The following CDH13 variants were observed in gnomAD, a reference collection of about 807,000 sequenced individuals.
CDH13 encodes cadherin-13.
A neutral mutation model predicts 63.8 loss-of-function variants in CDH13; 24 were observed. The ratio of observed to expected loss-of-function variants is 0.38; its 90% CI spans 0.27 to 0.53. CDH13 has a LOEUF of 0.53. Among genes scored for constraint, CDH13 ranks in the 20% least tolerant of loss-of-function variants. CDH13 has a pLI of 0.85. For synonymous variants in CDH13, 503 were observed against 355.3 expected, an observed-to-expected ratio of 1.42 and a Z score of -4.67; for missense variants, 1,049 against 903.1, an observed-to-expected ratio of 1.16 and a Z score of -2.07.
chr16:82,873,728 A>G (rs762561568), intron 2 of CDH13, among the ~76,000 whole-genome samples: 18 of 152,210 alleles, frequency 1.2e-4, no homozygotes, highest in Admixed American at 3.3e-4. Context: ...CTTTAAAAGA[A>G]TAAGGCTGGG....
intron 2 of CDH13, among the ~76,000 whole-genome samples, chr16:82,865,628 T>C (rs2040105153): frequency 6.6e-6 from 1 of 152,180 alleles, no homozygotes. Flanking sequence ...GACCATTTTT[T>C]CCTCCTAGGC....
chr16:83,490,129 C>T (rs548990320), intron 7 of CDH13, among the ~76,000 whole-genome samples: 141 of 152,210 alleles, frequency 9.3e-4, no homozygotes, highest in Non-Finnish European at 1.9e-3. Flanking sequence ...AGTGGATACT[C>T]TGGAATCCCA....
intron 7 of CDH13, among the ~76,000 whole-genome samples, chr16:83,590,991 A>T (rs4053433): frequency 1.3e-5 from 2 of 148,656 alleles, no homozygotes; most frequent in Non-Finnish European, 3.0e-5. Context: ...GCACACCGCA[A>T]TCTCCACCTT....
intron 8 of CDH13, among the ~76,000 whole-genome samples, chr16:83,661,926 G>C (rs1913480087): frequency 6.6e-6 from 1 of 152,206 alleles, no homozygotes; most frequent in Admixed American, 6.5e-5. Context: ...CACCTGTAGA[G>C]CCAGGAGGTT....
intron 1 of CDH13, among the ~76,000 whole-genome samples, chr16:82,645,637 C>T (rs1177949014): frequency 6.6e-6 from 1 of 152,136 alleles, no homozygotes; most frequent in Non-Finnish European, 1.5e-5. Flanking sequence ...TAGCTTCATA[C>T]TCACCCAGCA....
At chr16:83,429,625 C>G (rs2072030983) in intron 6 of CDH13, among the ~76,000 whole-genome samples, 1 of 152,150 alleles carries the variant, frequency 6.6e-6, no homozygotes, top group South Asian at 2.1e-4. Context: ...AAACAACCTA[C>G]TCAGAATGCT....
chr16:83,783,237 C>T lies in CDH13; in HGVS notation c.1916-17C>T. On this transcript the variant is annotated splice_polypyrimidine_tract_variant and intron_variant, in intron 12 of 13. Transcript: ENST00000567109. ...AAGTCTCATCCACTCTCACCAGAAC[C>T]CTCCTTGCCTTTACAGATACACACG... 1 of 1,584,110 alleles carries T rather than the reference C, an allele frequency of 6.3e-7. No individual in the cohort carries two copies. Among genetic ancestry groups the T allele is most frequent in the Non-Finnish European group, 8.7e-7 (1 of 1,154,014 alleles).
At chr16:83,375,914 G>A (rs944858969) in intron 6 of CDH13, among the ~76,000 whole-genome samples, 8 of 152,150 alleles carry the variant, frequency 5.3e-5, no homozygotes, top group Non-Finnish European at 8.8e-5. Flanking sequence ...GTGTTGGAGA[G>A]AGGCAGACGT....
intron 5 of CDH13, among the ~76,000 whole-genome samples, chr16:83,246,840 G>C (rs556513760): frequency 6.6e-6 from 1 of 152,102 alleles, no homozygotes; most frequent in African/African-American, 2.4e-5. Context: ...TCCTTCTTCA[G>C]TTCTCCTTTC....
chr16:82,711,146 A>T (rs2031910397), intron 1 of CDH13, among the ~76,000 whole-genome samples: 1 of 152,124 alleles, frequency 6.6e-6, no homozygotes, highest in South Asian at 2.1e-4. Context: ...ATGAACATGA[A>T]AGGGCCGCGT....
chr16:82,943,450 A>G lies in CDH13; in HGVS notation c.157+84977A>G, dbSNP rs929845. Among the ~76,000 whole-genome samples the G allele has an allele frequency of 3.8e-3, 572 of 152,312 alleles. 2 individuals are homozygous for G. The highest frequency in any genetic ancestry group is 4.7e-3 in the Non-Finnish European group (320 of 68,030). On this transcript the variant is annotated intron_variant, in intron 2 of 13. Coordinates refer to ENST00000567109, the MANE Select transcript of CDH13 (RefSeq NM_001257.5). ...TAAGCATCCAATAGTGAAAGTTTAT[A>G]TGACTCAAATGGAAGAAGAATTCAT...
intron 7 of CDH13, among the ~76,000 whole-genome samples, chr16:83,563,872 G>A (rs2075748268): frequency 6.6e-6 from 1 of 152,082 alleles, no homozygotes; most frequent in Admixed American, 6.5e-5. Context: ...AAGTGGGATG[G>A]GTCGTTTTGT....
chr16:83,699,030 G>A (rs571713251), intron 10 of CDH13, among the ~76,000 whole-genome samples: 6 of 152,318 alleles, frequency 3.9e-5, no homozygotes, highest in East Asian at 1.9e-4. Context: ...TCTGTGCTGC[G>A]AGCTCTTTAG....
intron 2 of CDH13, among the ~76,000 whole-genome samples, chr16:83,014,286 G>A (rs1057501219): frequency 1.4e-5 from 2 of 141,396 alleles, no homozygotes; most frequent in African/African-American, 2.7e-5. Flanking sequence ...TCAACCGTTA[G>A]CGTGAGGAGA....
At position 83,366,230 on chromosome 16, in the gene CDH13, C is replaced by A. The variant is rs143703217; in HGVS notation, c.781+21224C>A. ...CGTTTTCAAATGAATTACCAACTTA[C>A]AATTTTCAAGTATTCCCAATACCAA... On this transcript the variant is annotated intron_variant, in intron 6 of 13. Coordinates refer to ENST00000567109, the MANE Select transcript of CDH13 (RefSeq NM_001257.5). 7.5e-4 allele frequency among the ~76,000 whole-genome samples: 114 copies of A among 152,258 alleles called. 1 individual carries two copies. The East Asian group carries it at 0.018, about 24-fold the overall frequency.
intron 1 of CDH13, among the ~76,000 whole-genome samples, chr16:82,743,391 C>G (rs889590525): frequency 2.0e-5 from 3 of 152,054 alleles, no homozygotes; most frequent in Non-Finnish European, 4.4e-5. Flanking sequence ...CGGCACCTGG[C>G]TAATTTTTGC....
rs376485754 is a variant in CDH13 at position 82,746,235 on chromosome 16, T to C, written c.46-112127T>C. ...CACTGTTTATATATATGTGTTTATATATAAACACACTGTTTATATATATGT... is the reference window on the plus strand; with the variant it reads ...CACTGTTTATATATATGTGTTTATACATAAACACACTGTTTATATATATGT... On this transcript the variant is annotated intron_variant, in intron 1 of 13. Coordinates refer to ENST00000567109, the MANE Select transcript of CDH13 (RefSeq NM_001257.5). 4.0e-5 allele frequency among the ~76,000 whole-genome samples: 6 copies of C among 151,290 alleles called. No individual in the cohort carries two copies. In the South Asian group the frequency reaches 1.3e-3, roughly 32 times the overall value.
At chr16:82,765,248 G>T (rs558293447) in intron 1 of CDH13, among the ~76,000 whole-genome samples, 1 of 152,234 alleles carries the variant, frequency 6.6e-6, no homozygotes, top group African/African-American at 2.4e-5. Context: ...AATTCTATCA[G>T]CTAAATACCT....
chr16:83,612,602 CTCT>C (rs1430564484), intron 8 of CDH13, among the ~76,000 whole-genome samples: 4 of 151,982 alleles, frequency 2.6e-5, no homozygotes, highest in Non-Finnish European at 5.9e-5. Flanking sequence ...TTCCTCTTAT[CTCT>C]TATCTTTTTC....
Sources: gnomAD v4.1 joint callset for allele counts (sites outside exome capture counted in the v4.1 genomes callset) on GRCh38, gnomAD v4.1.1 for gene constraint, MANE v1.5 for transcripts, NCBI Gene and HGNC (gene_info 2026-07-23, HGNC 2026-07-21) for gene names.